The following MAGI2 variants were observed in gnomAD, a reference collection of about 807,000 sequenced individuals.
The protein encoded by MAGI2 is membrane-associated guanylate kinase, WW and PDZ domain-containing protein 2.
Under a neutral mutation model 133.3 loss-of-function variants are expected in MAGI2, and 35 were observed. The ratio of observed to expected loss-of-function variants is 0.26; its 90% CI spans 0.20 to 0.35. The LOEUF is 0.35. MAGI2 is among the 10% of genes least tolerant of loss of function. MAGI2 has a pLI of 1.00. For synonymous variants in MAGI2, 729 were observed against 710.6 expected, an observed-to-expected ratio of 1.03 and a Z score of -0.41; for missense variants, 1,636 against 1,863.4, an observed-to-expected ratio of 0.88 and a Z score of 2.25.
chr7:78,537,907 T>C (rs62468602), intron 3 of MAGI2, among the ~76,000 whole-genome samples: 10,222 of 152,304 alleles, frequency 0.067, 418 homozygotes, highest in Non-Finnish European at 0.099. Context: ...GGTCATGAAG[T>C]CTTTGCCTGA....
chr7:78,313,836 T>TAAAAATGACTCTAA (rs1798932585), intron 9 of MAGI2, among the ~76,000 whole-genome samples: 1 of 152,156 alleles, frequency 6.6e-6, no homozygotes, highest in Non-Finnish European at 1.5e-5. Flanking sequence ...AATGACTTTT[T>TAAAAATGACTCTAA]AAAATGACTT....
At chr7:79,060,341 C>T (rs1302734174) in intron 1 of MAGI2, among the ~76,000 whole-genome samples, 1 of 151,812 alleles carries the variant, frequency 6.6e-6, no homozygotes, top group Non-Finnish European at 1.5e-5. Context: ...TTATCTTTTT[C>T]ATGCACATAT....
At chr7:78,821,960 T>G (rs1790166170) in intron 2 of MAGI2, among the ~76,000 whole-genome samples, 1 of 152,024 alleles carries the variant, frequency 6.6e-6, no homozygotes, top group African/African-American at 2.4e-5. Flanking sequence ...TGAAAGAGAA[T>G]CATCTAGTTT....
intron 2 of MAGI2, among the ~76,000 whole-genome samples, chr7:78,772,989 T>A (rs550469594): frequency 6.6e-6 from 1 of 152,364 alleles, no homozygotes; most frequent in African/African-American, 2.4e-5. Context: ...GTTTTGTTTG[T>A]TTTCCCTACT....
chr7:78,997,605 TAAA>T (rs746487330), intron 2 of MAGI2, among the ~76,000 whole-genome samples: 54 of 119,504 alleles, frequency 4.5e-4, no homozygotes, highest in Non-Finnish European at 7.3e-4. Context: ...CCATCTCAAT[TAAA>T]AAAAAAAAAA....
chr7:78,223,834 T>C (rs1789081135), intron 10 of MAGI2, among the ~76,000 whole-genome samples: 1 of 152,206 alleles, frequency 6.6e-6, no homozygotes, highest in African/African-American at 2.4e-5. Flanking sequence ...AGGGAACAGA[T>C]GAGTATAAAA....
At chr7:78,987,962 C>T (rs147260110) in intron 2 of MAGI2, among the ~76,000 whole-genome samples, 10 of 152,104 alleles carry the variant, frequency 6.6e-5, no homozygotes, top group East Asian at 1.9e-4. Flanking sequence ...ATATGAAGGA[C>T]GCTTTGGTTC....
chr7:78,125,224 G>T (rs763162574), intron 20 of MAGI2, among the ~76,000 whole-genome samples: 27 of 152,034 alleles, frequency 1.8e-4, no homozygotes, highest in Non-Finnish European at 1.8e-4. Context: ...TACTCCTAAT[G>T]CTTCTGTCTG....
chr7:79,141,441 A>G (rs2129546219), intron 1 of MAGI2, among the ~76,000 whole-genome samples: 1 of 152,294 alleles, frequency 6.6e-6, no homozygotes, highest in African/African-American at 2.4e-5. Context: ...ACATGTATTA[A>G]TGTAACATCT....
intron 2 of MAGI2, among the ~76,000 whole-genome samples, chr7:78,998,553 A>G (rs890941993): frequency 6.6e-6 from 1 of 152,202 alleles, no homozygotes; most frequent in African/African-American, 2.4e-5. Flanking sequence ...ACAAATAGAT[A>G]AAGCCAAGGG....
At chr7:78,659,324 A>G (rs1812658815) in intron 2 of MAGI2, among the ~76,000 whole-genome samples, 1 of 145,414 alleles carries the variant, frequency 6.9e-6, no homozygotes, top group African/African-American at 2.6e-5. Flanking sequence ...GGTGGTGTGC[A>G]CTTGTAGTCC....
chr7:78,458,515 T>C (rs1789590191), intron 6 of MAGI2, among the ~76,000 whole-genome samples: 2 of 152,148 alleles, frequency 1.3e-5, no homozygotes, highest in South Asian at 4.1e-4. Context: ...TAAGTTTATA[T>C]ATACTTTTCC....
chr7:79,396,522 T>G (rs929976367), intron 1 of MAGI2, among the ~76,000 whole-genome samples: 5 of 152,190 alleles, frequency 3.3e-5, no homozygotes, highest in Non-Finnish European at 7.3e-5. Context: ...AATATGGTTA[T>G]TGAGAAAGAT....
intron 2 of MAGI2, among the ~76,000 whole-genome samples, chr7:78,810,318 G>C (rs1788933730): frequency 6.6e-6 from 1 of 152,042 alleles, no homozygotes; most frequent in African/African-American, 2.4e-5. Flanking sequence ...TCTTGGAGAA[G>C]AAACACCACC....
intron 2 of MAGI2, among the ~76,000 whole-genome samples, chr7:78,888,653 C>A (rs1387177164): frequency 6.6e-6 from 1 of 152,204 alleles, no homozygotes; most frequent in Non-Finnish European, 1.5e-5. Context: ...CTCCGACAGA[C>A]CTGCAGCTAA....
chr7:79,056,793 A>T (rs981254549), intron 1 of MAGI2, among the ~76,000 whole-genome samples: 3 of 152,230 alleles, frequency 2.0e-5, no homozygotes, highest in African/African-American at 7.2e-5. Flanking sequence ...TACTTCACAG[A>T]CAAAAATACA....
chr7:78,969,377 A>G (rs1320269230), intron 2 of MAGI2, among the ~76,000 whole-genome samples: 1 of 152,022 alleles, frequency 6.6e-6, no homozygotes, highest in Non-Finnish European at 1.5e-5. Flanking sequence ...CTTTCTCAAC[A>G]TGAGGAAGCT....
intron 1 of MAGI2, among the ~76,000 whole-genome samples, chr7:79,159,347 C>A (rs1233991275): frequency 2.0e-5 from 3 of 151,730 alleles, no homozygotes; most frequent in Admixed American, 2.0e-4. Flanking sequence ...AACCTTGTCT[C>A]TACTAAAAAT....
intron 2 of MAGI2, among the ~76,000 whole-genome samples, chr7:78,886,847 T>C (rs1796310765): frequency 6.6e-6 from 1 of 152,100 alleles, no homozygotes; most frequent in Admixed American, 6.6e-5. Flanking sequence ...GTATCCCCAG[T>C]CCAAATCTCA....
Sources: allele counts gnomAD v4.1 joint callset (sites outside exome capture counted in the v4.1 genomes callset), GRCh38; gene constraint gnomAD v4.1.1; transcripts MANE v1.5; gene names NCBI Gene and HGNC (gene_info 2026-07-23, HGNC 2026-07-21).